The following PPM1B variants were observed in gnomAD, a reference collection of about 807,000 sequenced individuals.
PPM1B encodes protein phosphatase 1B.
In PPM1B, 22 loss-of-function variants were observed where a neutral mutation model predicts 43.0. The ratio of observed to expected loss-of-function variants is 0.51; its 90% confidence interval spans 0.37 to 0.73. The LOEUF (loss-of-function observed/expected upper bound fraction) is 0.73, where lower values mean the gene tolerates loss of function less well. Among genes scored for constraint, PPM1B ranks in the 30% least tolerant of loss-of-function variants. The probability of loss-of-function intolerance (pLI) is 0.00; values close to 1 mark genes in which losing one functional copy is unlikely to be tolerated. For synonymous variants in PPM1B, 217 were observed against 197.9 expected (o/e 1.10, Z -0.81); for missense variants, 632 against 584.2 (o/e 1.08, Z -0.84).
intron 2 of PPM1B, among the ~76,000 whole-genome samples, chr2:44,203,894 G>C (rs1287980698): frequency 6.6e-6 from 1 of 152,072 alleles, no homozygotes; most frequent in Non-Finnish European, 1.5e-5. Flanking sequence ...ATTTTGACTC[G>C]ACCCTTCTGA....
At chr2:44,176,035 CG>C (rs1360207590) in intron 1 of PPM1B, among the ~76,000 whole-genome samples, 1 of 152,116 alleles carries the variant, frequency 6.6e-6, no homozygotes, top group Non-Finnish European at 1.5e-5. Flanking sequence ...CCACCTGCCT[CG>C]GCCTCCCCAA....
At chr2:44,197,647 C>A (rs1668727686) in intron 1 of PPM1B, among the ~76,000 whole-genome samples, 1 of 152,004 alleles carries the variant, frequency 6.6e-6, no homozygotes, top group Admixed American at 6.6e-5. Context: ...AAAAAGCTTG[C>A]GATACATTAG....
chr2:44,221,114 C>T (rs1213143531), intron 5 of PPM1B, among the ~76,000 whole-genome samples: 1 of 152,088 alleles, frequency 6.6e-6, no homozygotes, highest in South Asian at 2.1e-4. Flanking sequence ...AAACATTTAC[C>T]ATATTAGATT....
At chr2:44,222,166 G>A (rs1670007423) in intron 5 of PPM1B, among the ~76,000 whole-genome samples, 1 of 151,970 alleles carries the variant, frequency 6.6e-6, no homozygotes, top group Non-Finnish European at 1.5e-5. Flanking sequence ...GCTAGTTTGT[G>A]TTTTATAATT....
At chr2:44,178,474 A>ATATATATTT (rs1445760590) in intron 1 of PPM1B, among the ~76,000 whole-genome samples, 5 of 135,336 alleles carry the variant, frequency 3.7e-5, no homozygotes, top group African/African-American at 1.4e-4. Flanking sequence ...ATATATATAT[A>ATATATATTT]TTTTTTTTTT....
chr2:44,201,131 G>T lies in PPM1B; in HGVS notation c.-14-55G>T. ...GTTACTAGACTATAGAGGGAATATT[G>T]TACATACATTTTCTGTCAAATTTAA... On this transcript the variant is annotated intron_variant, in intron 1 of 5. Coordinates refer to ENST00000282412, the MANE Select transcript of PPM1B (RefSeq NM_002706.6). The surrounding 1 kb of genome is among the most constrained non-coding windows in gnomAD (Gnocchi z 5.4). The T allele has an allele frequency of 6.8e-7, 1 of 1,472,268 alleles. No homozygotes were observed. The highest frequency in any genetic ancestry group is 9.2e-7 in the Non-Finnish European group (1 of 1,088,810). 91.2% of individuals were successfully genotyped at this position (1,472,268 alleles called of 1,614,324 possible). A position where few individuals can be genotyped will look rare whatever the true frequency, so the allele number is the denominator to read the frequency against.
At chr2:44,186,213 A>T (rs748291386) in intron 1 of PPM1B, among the ~76,000 whole-genome samples, 12 of 152,182 alleles carry the variant, frequency 7.9e-5, no homozygotes, top group Non-Finnish European at 1.8e-4. Context: ...TTTTATAATA[A>T]TGAAAGCCAT....
At chr2:44,174,069 A>G (rs748689127) in intron 1 of PPM1B, among the ~76,000 whole-genome samples, 4 of 152,242 alleles carry the variant, frequency 2.6e-5, no homozygotes, top group Non-Finnish European at 5.9e-5. Flanking sequence ...ATAACATTTA[A>G]AACACACTTT....
intron 1 of PPM1B, among the ~76,000 whole-genome samples, chr2:44,178,474 A>ATAT (rs1445760590): frequency 0.01 from 1,383 of 135,284 alleles, 36 homozygotes; most frequent in African/African-American, 0.037. Flanking sequence ...ATATATATAT[A>ATAT]TTTTTTTTTT....
At chr2:44,233,360 G>A, downstream of PPM1B, 2 of 983,970 alleles carry the variant, frequency 2.0e-6, no homozygotes, top group Non-Finnish European at 2.4e-6. Flanking sequence ...ATTGGGCACG[G>A]TACAGAGTGA....
downstream of PPM1B, chr2:44,233,834 A>G: frequency 1.0e-6 from 1 of 985,688 alleles, no homozygotes; most frequent in Non-Finnish European, 1.2e-6. Flanking sequence ...TTAGCCTTGT[A>G]AGTTAAAGTG....
chr2:44,176,641 A>G (rs1391005292), intron 1 of PPM1B, among the ~76,000 whole-genome samples: 1 of 152,198 alleles, frequency 6.6e-6, no homozygotes, highest in Non-Finnish European at 1.5e-5. Context: ...CCAGTTTGGT[A>G]AAGAGGCCTC....
At chr2:44,218,444 A>C (rs1669823512) in intron 4 of PPM1B, 36 bp from the exon 5 acceptor site, 3 of 1,471,126 alleles carry the variant, frequency 2.0e-6, no homozygotes, top group Non-Finnish European at 2.8e-6. Context: ...AATTCTGTGT[A>C]ATTTAATAAA....
chr2:44,243,984 A>G (rs1670803519), intron 5 of PPM1B, among the ~76,000 whole-genome samples: 1 of 152,124 alleles, frequency 6.6e-6, no homozygotes, highest in Non-Finnish European at 1.5e-5. Flanking sequence ...TTCTATTTAT[A>G]CAAGTGTTTT....
intron 1 of PPM1B, among the ~76,000 whole-genome samples, chr2:44,197,354 A>G (rs542240629): frequency 2.0e-5 from 3 of 152,186 alleles, no homozygotes; most frequent in East Asian, 3.8e-4. Context: ...CCTGGGCCCA[A>G]GTGATTCTCC....
At chr2:44,174,605 C>G (rs543530370) in intron 1 of PPM1B, among the ~76,000 whole-genome samples, 1 of 152,264 alleles carries the variant, frequency 6.6e-6, no homozygotes, top group South Asian at 2.1e-4. Context: ...GAAAATAAAA[C>G]AAATGAATAA....
intron 5 of PPM1B, 179 bp downstream of exon 5, chr2:44,218,716 T>A: frequency 1.8e-6 from 1 of 555,942 alleles, no homozygotes; most frequent in Non-Finnish European, 3.2e-6. Flanking sequence ...AAGGTAGAGA[T>A]AAAATTTTGT....
chr2:44,173,210 C>T (rs556473279), intron 1 of PPM1B, among the ~76,000 whole-genome samples: 1 of 152,280 alleles, frequency 6.6e-6, no homozygotes, highest in Non-Finnish European at 1.5e-5. Flanking sequence ...ATACTGGAAT[C>T]AGCGTTATGG....
chr2:44,207,438 A>C (rs193171577), intron 2 of PPM1B, among the ~76,000 whole-genome samples: 4 of 152,340 alleles, frequency 2.6e-5, no homozygotes. Flanking sequence ...GTTTGAAAAA[A>C]ATCGTTATTC....
Sources: gnomAD v4.1 joint callset for allele counts (sites outside exome capture counted in the v4.1 genomes callset) on GRCh38, gnomAD v4.1.1 for gene constraint, Gnocchi (gnomAD v3.1) non-coding constraint, MANE v1.5 for transcripts, NCBI Gene and HGNC (gene_info 2026-07-23, HGNC 2026-07-21) for gene names.